PITPNA: variants seen among roughly 807,000 people sequenced by gnomAD.
PITPNA encodes the protein phosphatidylinositol transfer protein alpha.
PITPNA carries 13 observed loss-of-function variants against 50.3 expected under a neutral mutation model. That is an observed-to-expected ratio of 0.26 (90% CI 0.17 to 0.41). PITPNA has a LOEUF of 0.41. PITPNA is among the 10% of genes least tolerant of loss of function. PITPNA has a pLI of 1.00. For synonymous variants in PITPNA, 120 were observed against 119.6 expected, an observed-to-expected ratio of 1.00 and a Z score of -0.02; for missense variants, 207 against 333.4, an observed-to-expected ratio of 0.62 and a Z score of 2.95.
rs1051971876 is a variant in PITPNA at position 1,543,098 on chromosome 17, AC to A, written c.290-72del. 8 of 1,204,840 alleles carry A rather than the reference AC, an allele frequency of 6.6e-6. No homozygotes were observed. The East Asian group carries it at 1.3e-4, about 19-fold the overall frequency. 74.6% of individuals were successfully genotyped at this position (1,204,840 alleles called of 1,614,324 possible). On this transcript the variant is annotated intron_variant, in intron 4 of 11. Coordinates refer to ENST00000313486, the MANE Select transcript of PITPNA (RefSeq NM_006224.4). ...GAAGATGAAGAAATATCTGCCCCCC[AC>A]CCCCCACAAGGAGGACGAATGGCAG...
rs549968068 is a variant in PITPNA, at chr17:1,535,306, A to G, written c.535-14T>C. 2.5e-6 allele frequency: 4 copies of G among 1,587,548 alleles called. No individual in the cohort carries two copies. In the South Asian group the frequency reaches 3.3e-5, roughly 13 times the overall value. Reference sequence around the variant, plus strand: ...TACAAGCTCTTGCTGCATTAGAAACATACCCATGGGTACGCAAGTAACAAC... The same window carrying G: ...TACAAGCTCTTGCTGCATTAGAAACGTACCCATGGGTACGCAAGTAACAAC... On this transcript the variant is annotated splice_polypyrimidine_tract_variant and intron_variant, in intron 8 of 11. Transcript: ENST00000313486.
intron 2 of PITPNA, 109 bp downstream of exon 2, chr17:1,558,420 T>G (rs1351439715): frequency 1.4e-6 from 1 of 720,560 alleles, no homozygotes; most frequent in Non-Finnish European, 2.4e-6. Flanking sequence ...ATATTTATGT[T>G]AGAACAAATA....
At chr17:1,539,021 A>G in intron 6 of PITPNA, 69 bp from the exon 7 acceptor site, 1 of 911,262 alleles carries the variant, frequency 1.1e-6, no homozygotes, top group Non-Finnish European at 1.8e-6. Context: ...GCCAGAATGG[A>G]CACCTAGGAA....
intron 10 of PITPNA, among the ~76,000 whole-genome samples, chr17:1,528,521 A>T (rs968206314): frequency 6.6e-6 from 1 of 152,112 alleles, no homozygotes; most frequent in Non-Finnish European, 1.5e-5. Flanking sequence ...CCAAGGTGGG[A>T]GGATCACTTG....
chr17:1,560,947 C>T (rs180838341), intron 1 of PITPNA, among the ~76,000 whole-genome samples: 1 of 152,334 alleles, frequency 6.6e-6, no homozygotes, highest in Admixed American at 6.5e-5. Context: ...GTCCTAAGCA[C>T]CTCCAAGGAG....
chr17:1,550,868 G>A (rs140292393), intron 3 of PITPNA, among the ~76,000 whole-genome samples: 29 of 152,362 alleles, frequency 1.9e-4, no homozygotes, highest in African/African-American at 6.0e-4. Flanking sequence ...AAGCGGTGCG[G>A]AGAACTGAAA....
At chr17:1,534,354 C>T in intron 9 of PITPNA, 133 bp from the exon 10 acceptor site, 1 of 1,040,548 alleles carries the variant, frequency 9.6e-7, no homozygotes, top group Non-Finnish European at 1.4e-6. Context: ...TAATGCCCGG[C>T]TGGTTATCTG....
rs1259004754 is a variant in PITPNA, at chr17:1,518,533, C to T, written c.*2028G>A. Reference sequence around the variant, plus strand: ...TTTATGTTTATGTGGGCTGCAATTCCAGATCCAGGCTGACCTCAGCTCATA... The same window carrying T: ...TTTATGTTTATGTGGGCTGCAATTCTAGATCCAGGCTGACCTCAGCTCATA... On this transcript the variant is annotated 3_prime_UTR_variant, in exon 12 of 12. Transcript: ENST00000313486. The T allele has an allele frequency of 6.6e-6, 1 of 152,646 alleles. No individual in the cohort carries two copies. Among genetic ancestry groups the T allele is most frequent in the Non-Finnish European group, 1.5e-5 (1 of 68,060 alleles). 9.5% of individuals were successfully genotyped at this position (152,646 alleles called of 1,614,324 possible). A position where few individuals can be genotyped will look rare whatever the true frequency, so the allele number is the denominator to read the frequency against.
At chr17:1,553,950 C>T (rs551537414) in intron 2 of PITPNA, among the ~76,000 whole-genome samples, 15 of 152,290 alleles carry the variant, frequency 9.8e-5, no homozygotes, top group African/African-American at 3.1e-4. Flanking sequence ...CAGTCTGTGC[C>T]GGCTGGGTGC....
chr17:1,532,569 A>G (rs2075590597), intron 10 of PITPNA, among the ~76,000 whole-genome samples: 1 of 152,308 alleles, frequency 6.6e-6, no homozygotes, highest in South Asian at 2.1e-4. Context: ...ACGAACCCCA[A>G]CATACGTCAT....
chr17:1,520,718 C>A (rs2280460), intron 11 of PITPNA, among the ~76,000 whole-genome samples, 180 bp from the exon 12 acceptor site: 15,473 of 152,132 alleles, frequency 0.1, 913 homozygotes, highest in East Asian at 0.14. Flanking sequence ...CAGTCCGCCT[C>A]ATTCCACCCT....
In PITPNA at chr17:1,562,228, C is replaced by G. The variant is rs1431111520; in HGVS notation, c.20+313G>C. On this transcript the variant is annotated intron_variant, in intron 1 of 11. Coordinates refer to ENST00000313486, the MANE Select transcript of PITPNA (RefSeq NM_006224.4). The surrounding 1 kb of genome is among the most constrained non-coding windows in gnomAD (Gnocchi z 6.4). ...CGTCCGCCCGGGTTGTCCCTCCGTG[C>G]CCGTGGGCCCCTCCATGCCCCGGCT... 2.7e-4 allele frequency among the ~76,000 whole-genome samples: 41 copies of G among 151,872 alleles called. No individual in the cohort carries two copies. Among genetic ancestry groups the G allele is most frequent in the Admixed American group, 2.7e-3 (41 of 15,256 alleles).
chr17:1,541,710 G>A (rs2075648775), intron 5 of PITPNA, 70 bp from the exon 6 acceptor site: 2 of 962,662 alleles, frequency 2.1e-6, no homozygotes, highest in Non-Finnish European at 3.3e-6. Flanking sequence ...TCCCATTACT[G>A]GAGATGGGCA....
At chr17:1,540,609 G>A (rs2075643403) in intron 6 of PITPNA, among the ~76,000 whole-genome samples, 1 of 146,102 alleles carries the variant, frequency 6.8e-6, no homozygotes, top group Non-Finnish European at 1.5e-5. Flanking sequence ...TTTTTTTTAA[G>A]ACAGTGTCTC....
chr17:1,523,512 T>TC (rs1481197737), intron 10 of PITPNA, among the ~76,000 whole-genome samples: 12 of 149,618 alleles, frequency 8.0e-5, no homozygotes, highest in Admixed American at 8.0e-4. Context: ...TGGCTTTTTT[T>TC]TTTTTTTTTT....
intron 5 of PITPNA, 107 bp from the exon 6 acceptor site, chr17:1,541,747 T>G (rs938465707): frequency 2.2e-5 from 17 of 758,682 alleles, no homozygotes; most frequent in Non-Finnish European, 3.8e-5. Flanking sequence ...AGCTAGGAGA[T>G]TCCAGCCTCT....
chr17:1,530,904 C>A (rs570336858), intron 10 of PITPNA, among the ~76,000 whole-genome samples: 1 of 152,286 alleles, frequency 6.6e-6, no homozygotes, highest in South Asian at 2.1e-4. Flanking sequence ...GGCTCAGGAA[C>A]TGGAAGCACC....
At chr17:1,546,941 A>G (rs905878385) in intron 4 of PITPNA, among the ~76,000 whole-genome samples, 2 of 152,230 alleles carry the variant, frequency 1.3e-5, no homozygotes, top group African/African-American at 4.8e-5. Flanking sequence ...ATGCTGTTTC[A>G]GCAGAAGCCA....
chr17:1,533,085 G>A (rs968687216), intron 10 of PITPNA, among the ~76,000 whole-genome samples: 1 of 152,246 alleles, frequency 6.6e-6, no homozygotes, highest in African/African-American at 2.4e-5. Context: ...AGCTGAGTGG[G>A]CTGTTGCAAA....
Sources: allele counts gnomAD v4.1 joint callset (sites outside exome capture counted in the v4.1 genomes callset), GRCh38; gene constraint gnomAD v4.1.1; non-coding constraint Gnocchi (gnomAD v3.1); transcripts MANE v1.5; gene names NCBI Gene and HGNC (gene_info 2026-07-23, HGNC 2026-07-21).